Variants in PDE11A observed in about 807,000 individuals in gnomAD.
The protein encoded by PDE11A is dual 3',5'-cyclic-AMP and -GMP phosphodiesterase 11A.
In PDE11A, 100 loss-of-function variants were observed where a neutral mutation model predicts 100.5. The ratio of observed to expected loss-of-function variants is 1.00; its 90% CI spans 0.85 to 1.18. PDE11A has a LOEUF of 1.18. PDE11A is among the 50% of genes most tolerant of loss of function. The probability of loss-of-function intolerance (pLI) is 0.00; values close to 1 mark genes in which losing one functional copy is unlikely to be tolerated. For missense variants in PDE11A, 1,141 were observed against 1,152.6 expected, an observed-to-expected ratio of 0.99 and a Z score of 0.15; for synonymous variants, 381 against 420.8, an observed-to-expected ratio of 0.91 and a Z score of 1.16.
At chr2:177,931,231 T>C (rs931737789) in intron 2 of PDE11A, among the ~76,000 whole-genome samples, 2 of 152,196 alleles carry the variant, frequency 1.3e-5, no homozygotes, top group Admixed American at 1.3e-4. Flanking sequence ...GTTGTCAACG[T>C]TCTATTTTAT....
intron 19 of PDE11A, among the ~76,000 whole-genome samples, chr2:177,639,352 CTG>C (rs2080104483): frequency 6.6e-6 from 1 of 152,132 alleles, no homozygotes; most frequent in African/African-American, 2.4e-5. Flanking sequence ...TTTAAAAACT[CTG>C]TCTTGCTTAG....
chr2:177,795,973 A>ATATATATATATATATATC (rs1553475866), intron 9 of PDE11A, among the ~76,000 whole-genome samples: 1 of 129,392 alleles, frequency 7.7e-6, no homozygotes, highest in Non-Finnish European at 1.6e-5. Context: ...ATATATATAT[A>ATATATATATATATATATC]TATCTTTGCT....
At chr2:177,789,156 C>T (rs62184503) in intron 9 of PDE11A, among the ~76,000 whole-genome samples, 25,083 of 152,054 alleles carry the variant, frequency 0.16, 2,132 homozygotes, top group African/African-American at 0.18. Context: ...ACTGGCAAAC[C>T]GAATCCAGCA....
chr2:177,876,083 C>T (rs980612517), intron 4 of PDE11A, among the ~76,000 whole-genome samples, 160 bp from the exon 5 acceptor site: 1 of 152,110 alleles, frequency 6.6e-6, no homozygotes, highest in Non-Finnish European at 1.5e-5. Context: ...AGAGGAGAAT[C>T]CCATCCTACA....
At position 177,997,829 on chromosome 2, in the gene PDE11A, A is replaced by G. The variant is rs1366618003; in HGVS notation, c.1071+16473T>C. The G allele has an allele frequency of 6.7e-6, 9 of 1,349,734 alleles. No individual in the cohort carries two copies. The Admixed American group carries it at 8.4e-5, about 13-fold the overall frequency. 83.6% of individuals were successfully genotyped at this position (1,349,734 alleles called of 1,614,324 possible). A position where few individuals can be genotyped will look rare whatever the true frequency, so the allele number is the denominator to read the frequency against. On this transcript the variant is annotated intron_variant, in intron 2 of 19. Coordinates refer to ENST00000286063, the MANE Select transcript of PDE11A (RefSeq NM_016953.4). The stretch of plus-strand genomic sequence containing the variant: ...TCTGGAGGGAGGGGCATGTATTCCA[A>G]TAACTTATCAAATAGTTTCCCTAAA...
chr2:177,812,168 T>C (rs1009776536), intron 9 of PDE11A, among the ~76,000 whole-genome samples: 1 of 152,172 alleles, frequency 6.6e-6, no homozygotes, highest in African/African-American at 2.4e-5. Context: ...GAAAATTTTT[T>C]TTTAACTTAT....
chr2:177,702,582 C>G (rs773937612), intron 13 of PDE11A: 1 of 152,172 alleles, frequency 6.6e-6, no homozygotes, highest in East Asian at 1.9e-4. Flanking sequence ...GAAGCAAGGA[C>G]TGCATCTAAG....
chr2:177,731,091 T>A (rs2081681708), intron 10 of PDE11A, among the ~76,000 whole-genome samples: 1 of 152,218 alleles, frequency 6.6e-6, no homozygotes, highest in African/African-American at 2.4e-5. Context: ...TCAAAGTTTA[T>A]CCATGTTAAA....
intron 2 of PDE11A, chr2:177,998,263 C>T: frequency 1.2e-6 from 1 of 829,332 alleles, no homozygotes; most frequent in Non-Finnish European, 2.2e-6. Flanking sequence ...TCTTCCACTT[C>T]CTTTGTTAAT....
chr2:177,945,750 G>A lies in PDE11A; in HGVS notation c.1072-40563C>T, dbSNP rs1394254572. On this transcript the variant is annotated intron_variant, in intron 2 of 19. Transcript: ENST00000286063. Reference sequence around the variant, plus strand: ...GGTGGGGGGGGTCAGCCCCCCGCCCGGCCAGCTGCCCCATCCGGGAGGGAG... The same window carrying A: ...GGTGGGGGGGGTCAGCCCCCCGCCCAGCCAGCTGCCCCATCCGGGAGGGAG... Among the ~76,000 whole-genome samples, 14 of 149,944 alleles carry A rather than the reference G, an allele frequency of 9.3e-5. No individual in the cohort carries two copies. In the East Asian group the frequency reaches 1.4e-3, roughly 15 times the overall value.
chr2:177,660,101 C>CTT (rs1330492629), intron 19 of PDE11A, among the ~76,000 whole-genome samples: 6 of 62,170 alleles, frequency 9.7e-5, no homozygotes, highest in African/African-American at 3.7e-4. Flanking sequence ...CTTTCTTTCT[C>CTT]TCTCTCTCTC....
intron 19 of PDE11A, among the ~76,000 whole-genome samples, chr2:177,656,983 C>T (rs556013019): frequency 6.6e-6 from 1 of 152,126 alleles, no homozygotes; most frequent in African/African-American, 2.4e-5. Flanking sequence ...AATGCTATAC[C>T]GAGGACTTCG....
At chr2:178,096,985 C>T (rs528050037) in intron 2 of PDE11A, among the ~76,000 whole-genome samples, 132 of 152,252 alleles carry the variant, frequency 8.7e-4, no homozygotes, top group African/African-American at 3.1e-3. Flanking sequence ...CTCTGGGGTT[C>T]AAGCAATTCT....
chr2:178,107,761 G>A (rs1350676683), intron 1 of PDE11A, among the ~76,000 whole-genome samples: 2 of 134,012 alleles, frequency 1.5e-5, no homozygotes, highest in African/African-American at 5.7e-5. Context: ...TCACTCTGTC[G>A]CCCAGGCCGG....
intron 5 of PDE11A, among the ~76,000 whole-genome samples, chr2:177,859,421 T>A: frequency 6.7e-6 from 1 of 150,332 alleles, no homozygotes. Flanking sequence ...AAAAGAAAAA[T>A]AACAATTATA....
chr2:177,688,841 A>T (rs6739583), intron 15 of PDE11A, among the ~76,000 whole-genome samples: 127,458 of 152,250 alleles, frequency 0.84, 53,471 homozygotes, highest in African/African-American at 0.9. Context: ...ACATTGAAAA[A>T]CTTTCTGGTT....
intron 19 of PDE11A, among the ~76,000 whole-genome samples, chr2:177,653,662 A>C (rs1328356140): frequency 6.6e-6 from 1 of 152,228 alleles, no homozygotes. Context: ...AGGCAGAGGC[A>C]GAGGATGTCA....
At chr2:178,056,196 G>A (rs749090740) in intron 1 of PDE11A, among the ~76,000 whole-genome samples, 1 of 152,068 alleles carries the variant, frequency 6.6e-6, no homozygotes, top group Admixed American at 6.6e-5. Flanking sequence ...AATAACAAAG[G>A]TGATTGTCCC....
intron 2 of PDE11A, among the ~76,000 whole-genome samples, chr2:178,088,865 A>G (rs1244890088): frequency 6.6e-6 from 1 of 152,218 alleles, no homozygotes; most frequent in African/African-American, 2.4e-5. Flanking sequence ...TTCCTACTGG[A>G]TATTTAATTC....
Sources: gnomAD v4.1 joint callset for allele counts (sites outside exome capture counted in the v4.1 genomes callset) on GRCh38, gnomAD v4.1.1 for gene constraint, MANE v1.5 for transcripts, NCBI Gene and HGNC (gene_info 2026-07-23, HGNC 2026-07-21) for gene names.